STAT4: variants seen among roughly 807,000 people sequenced by gnomAD.
STAT4 encodes signal transducer and activator of transcription 4.
In STAT4, 42 loss-of-function variants were observed where a neutral mutation model predicts 110.5. The observed-to-expected ratio is 0.38, with a 90% CI of 0.30 to 0.49. The LOEUF (loss-of-function observed/expected upper bound fraction) is 0.49, where lower values mean the gene tolerates loss of function less well. Among genes scored for constraint, STAT4 ranks in the 20% least tolerant of loss-of-function variants. The pLI, the probability that STAT4 is intolerant of heterozygous loss-of-function variation, is 0.95. For missense variants in STAT4, 632 were observed against 887.9 expected, an observed-to-expected ratio of 0.71 and a Z score of 3.66; for synonymous variants, 284 against 302.2, an observed-to-expected ratio of 0.94 and a Z score of 0.63.
chr2:191,034,151 G>A (rs984303285), intron 18 of STAT4, 146 bp from the exon 19 acceptor site: 81 of 664,986 alleles, frequency 1.2e-4, no homozygotes, highest in Non-Finnish European at 1.4e-4. Flanking sequence ...GGCCTGGTGT[G>A]GTGGCTCATG....
intron 3 of STAT4, among the ~76,000 whole-genome samples, chr2:191,126,371 C>T (rs1042560597): frequency 3.9e-5 from 6 of 152,166 alleles, no homozygotes; most frequent in Admixed American, 3.3e-4. Context: ...GACAAATAAA[C>T]ATTTTCTAAA....
chr2:191,087,869 C>G lies in STAT4; in HGVS notation c.274-11544G>C, dbSNP rs546653539. On this transcript the variant is annotated intron_variant, in intron 3 of 23. Coordinates refer to ENST00000392320, the MANE Select transcript of STAT4 (RefSeq NM_003151.4). ...TTTCATGATAAAAACTCTGAGTATA[C>G]TAGGAATAGTGAAATTTCTCAACTT... is the stretch of plus-strand genomic sequence containing the variant. 1.0e-3 allele frequency among the ~76,000 whole-genome samples: 159 copies of G among 151,826 alleles called. 4 individuals are homozygous for G. The South Asian group carries it at 0.032, about 31-fold the overall frequency.
chr2:191,084,647 C>G (rs920940021), intron 3 of STAT4, among the ~76,000 whole-genome samples: 3 of 151,986 alleles, frequency 2.0e-5, no homozygotes, highest in Admixed American at 6.6e-5. Flanking sequence ...AAGGTTTAAA[C>G]AAGTTGTGAA....
chr2:191,104,160 A>G lies in STAT4; in HGVS notation c.274-27835T>C, dbSNP rs749096799. ...TTAAAAAGACAAGAAAAAATATACT[A>G]AAGTATCAACAGTGGTTGCAAATCT... On this transcript the variant is annotated intron_variant, in intron 3 of 23. Coordinates refer to ENST00000392320, the MANE Select transcript of STAT4 (RefSeq NM_003151.4). This position sits in a 1 kb window ranked among gnomAD's most constrained non-coding sequence, Gnocchi z 4.3. Among the ~76,000 whole-genome samples, 4 of 152,314 alleles carry G rather than the reference A, an allele frequency of 2.6e-5. No individual in the cohort carries two copies. The highest frequency in any genetic ancestry group is 1.9e-4 in the East Asian group (1 of 5,196).
chr2:191,040,988 CTG>C (rs1482974006), intron 15 of STAT4, 75 bp downstream of exon 15: 1 of 949,062 alleles, frequency 1.1e-6, no homozygotes, highest in Non-Finnish European at 1.5e-6. Flanking sequence ...CTAGAAAAGA[CTG>C]AGCTTACATC....
intron 16 of STAT4, among the ~76,000 whole-genome samples, chr2:191,038,632 A>C (rs1287076082): frequency 6.6e-6 from 1 of 152,152 alleles, no homozygotes; most frequent in African/African-American, 2.4e-5. Context: ...TAAGAAGAAC[A>C]CCTATTCACT....
intron 3 of STAT4, among the ~76,000 whole-genome samples, chr2:191,121,474 T>C (rs1698726477): frequency 6.6e-6 from 1 of 152,178 alleles, no homozygotes; most frequent in African/African-American, 2.4e-5. Flanking sequence ...CATGCACACG[T>C]ATGTTTACTG....
intron 3 of STAT4, among the ~76,000 whole-genome samples, chr2:191,121,620 A>T (rs1698732433): frequency 6.6e-6 from 1 of 152,152 alleles, no homozygotes; most frequent in Non-Finnish European, 1.5e-5. Flanking sequence ...TGTCCTTTGT[A>T]GGGACATGGA....
At chr2:191,048,788 C>CAAA (rs60267174) in intron 14 of STAT4, among the ~76,000 whole-genome samples, 2 of 48,794 alleles carry the variant, frequency 4.1e-5, no homozygotes, top group African/African-American at 2.0e-4. Flanking sequence ...AACTCCATCT[C>CAAA]AAAAAAAAAA....
At chr2:191,095,969 C>T (rs931264347) in intron 3 of STAT4, among the ~76,000 whole-genome samples, 4 of 152,034 alleles carry the variant, frequency 2.6e-5, no homozygotes, top group African/African-American at 9.7e-5. Context: ...TACAAACTAC[C>T]ATCAGAGAAT....
rs1288558584 is a variant in STAT4, at chr2:191,051,354, A to AGCC, written c.1251+3133_1251+3135dup. 6.6e-6 allele frequency among the ~76,000 whole-genome samples: 1 copy of AGCC among 152,244 alleles called. No individual in the cohort carries two copies. The highest frequency in any genetic ancestry group is 1.5e-5 in the Non-Finnish European group (1 of 68,046). Reference sequence around the variant, plus strand: ...TAAATGCCATCACCAACATCTACACAGCCCACCACCACTGACTCACACACA... The same window carrying AGCC: ...TAAATGCCATCACCAACATCTACACAGCCGCCCACCACCACTGACTCACACACA... On this transcript the variant is annotated intron_variant, in intron 14 of 23. Coordinates refer to ENST00000392320, the MANE Select transcript of STAT4 (RefSeq NM_003151.4). The surrounding 1 kb of genome is among the most constrained non-coding windows in gnomAD (Gnocchi z 5.6).
Position 191,046,943 on chromosome 2 carries a change from G to A in STAT4, c.1252-5795C>T, listed in dbSNP as rs1419801067. On this transcript the variant is annotated intron_variant, in intron 14 of 23. Transcript: ENST00000392320. The surrounding 1 kb of genome is among the most constrained non-coding windows in gnomAD (Gnocchi z 4.6). Reference sequence around the variant, plus strand: ...GCTTCTAAATAGCCTCAGGATGAGAGTTGGTTGCTAGGGGAACCAATCATG... The same window carrying A: ...GCTTCTAAATAGCCTCAGGATGAGAATTGGTTGCTAGGGGAACCAATCATG... Among the ~76,000 whole-genome samples the A allele has an allele frequency of 2.0e-5, 3 of 152,172 alleles. No individual in the cohort carries two copies. Among genetic ancestry groups the A allele is most frequent in the African/African-American group, 4.8e-5 (2 of 41,434 alleles).
rs1207799431 is a variant in STAT4 at position 191,053,636 on chromosome 2, T to G, written c.1251+854A>C. 6.6e-6 allele frequency among the ~76,000 whole-genome samples: 1 copy of G among 152,186 alleles called. No homozygotes were observed. Among genetic ancestry groups the G allele is most frequent in the Admixed American group, 6.5e-5 (1 of 15,278 alleles). On this transcript the variant is annotated intron_variant, in intron 14 of 23. Coordinates refer to ENST00000392320, the MANE Select transcript of STAT4 (RefSeq NM_003151.4). The surrounding 1 kb of genome is among the most constrained non-coding windows in gnomAD (Gnocchi z 4.5). ...CGAGGTAATTGATATCTCAAAATAA[T>G]AGGGTTGTTTTTTACCCCACATATC... is the stretch of plus-strand genomic sequence containing the variant.
intron 14 of STAT4, among the ~76,000 whole-genome samples, chr2:191,052,576 T>C (rs1305516552): frequency 6.6e-6 from 1 of 152,216 alleles, no homozygotes; most frequent in Non-Finnish European, 1.5e-5. Context: ...GAAATTCAAG[T>C]GAAGATTTTC....
intron 3 of STAT4, among the ~76,000 whole-genome samples, chr2:191,131,120 A>T (rs551784787): frequency 1.3e-5 from 2 of 151,806 alleles, no homozygotes; most frequent in Non-Finnish European, 2.9e-5. Flanking sequence ...AGGAAAGTGT[A>T]AATTGGTATA....
rs1696525069 is a variant in STAT4 at position 191,051,649 on chromosome 2, G to A, written c.1251+2841C>T. Among the ~76,000 whole-genome samples, 2 of 152,216 alleles carry A rather than the reference G, an allele frequency of 1.3e-5. No individual in the cohort carries two copies. Among genetic ancestry groups the A allele is most frequent in the South Asian group, 4.1e-4 (2 of 4,832 alleles). Reference sequence around the variant, plus strand: ...TGAGACAGACATGATTTCGGAGCAGGTGGGTGAGGTGCAGACACTCTGTGA... The same window carrying A: ...TGAGACAGACATGATTTCGGAGCAGATGGGTGAGGTGCAGACACTCTGTGA... On this transcript the variant is annotated intron_variant, in intron 14 of 23. Coordinates refer to ENST00000392320, the MANE Select transcript of STAT4 (RefSeq NM_003151.4). The surrounding 1 kb of genome is among the most constrained non-coding windows in gnomAD (Gnocchi z 5.6).
intron 3 of STAT4, among the ~76,000 whole-genome samples, chr2:191,125,380 C>G (rs4583497): frequency 0.57 from 87,107 of 151,540 alleles, 26,419 homozygotes; most frequent in South Asian, 0.75. Flanking sequence ...GAGGTGAGAT[C>G]ACTATGTTCT....
Position 191,148,177 on chromosome 2 carries a change from C to G in STAT4, c.27G>C (p.Gln9His), listed in dbSNP as rs1363166746. 6 of 1,613,684 alleles carry G rather than the reference C, an allele frequency of 3.7e-6. No individual in the cohort carries two copies. Among genetic ancestry groups the G allele is most frequent in the Non-Finnish European group, 5.1e-6 (6 of 1,179,798 alleles). Residue 9 changes from glutamine to histidine, a missense_variant, in exon 2 of 24, where the codon CAG becomes CAC. By Grantham distance (24) the Gln-to-His change is conservative. Around this residue, in one of 4 missense-constraint regions of STAT4, gnomAD observed 488 missense variants for 632.8 expected, o/e 0.77. Coordinates refer to ENST00000392320, the MANE Select transcript of STAT4 (RefSeq NM_003151.4). ...CCTGCTCCAAAAACTTGATTTCTAA[C>G]TGTTGGACTTGATTCCACTGAGACA... MSQWNQVQ[Q>H]LEIKFLEQVD...
intron 15 of STAT4, 26 bp downstream of exon 15, chr2:191,041,039 A>G: frequency 7.3e-7 from 1 of 1,370,932 alleles, no homozygotes; most frequent in Non-Finnish European, 9.5e-7. Flanking sequence ...CCATTAGTAA[A>G]TAGTGTATGT....
Sources: allele counts gnomAD v4.1 joint callset (sites outside exome capture counted in the v4.1 genomes callset), GRCh38; gene constraint gnomAD v4.1.1; regional missense constraint gnomAD v4.1.1; non-coding constraint Gnocchi (gnomAD v3.1); transcripts MANE v1.5; gene names NCBI Gene and HGNC (gene_info 2026-07-23, HGNC 2026-07-21).